SAMD4A: variants seen among roughly 807,000 people sequenced by gnomAD.
SAMD4A encodes sterile alpha motif domain containing 4A.
Under a neutral mutation model 81.3 loss-of-function variants are expected in SAMD4A, and 33 were observed. The observed-to-expected ratio is 0.41, with a 90% CI of 0.31 to 0.54. The LOEUF (loss-of-function observed/expected upper bound fraction) is 0.54. Among genes scored for constraint, SAMD4A ranks in the 20% least tolerant of loss-of-function variants. The probability of loss-of-function intolerance (pLI) is 0.37; values close to 1 mark genes in which losing one functional copy is unlikely to be tolerated. For synonymous variants in SAMD4A, 389 were observed against 382.1 expected, an observed-to-expected ratio of 1.02 and a Z score of -0.21; for missense variants, 854 against 951.1, an observed-to-expected ratio of 0.90 and a Z score of 1.34.
chr14:54,682,567 T>C (rs754311565), intron 2 of SAMD4A, among the ~76,000 whole-genome samples: 5 of 152,228 alleles, frequency 3.3e-5, no homozygotes, highest in Non-Finnish European at 5.9e-5. Context: ...TCCTTGTCCA[T>C]ACTGTATTTG....
chr14:54,574,293 G>C (rs1253205915), intron 2 of SAMD4A, among the ~76,000 whole-genome samples: 2 of 152,228 alleles, frequency 1.3e-5, no homozygotes, highest in Admixed American at 6.5e-5. Context: ...CTGAAATTGA[G>C]TGAAAGGAGA....
intron 9 of SAMD4A, among the ~76,000 whole-genome samples, chr14:54,774,260 G>A (rs1351802349): frequency 1.3e-5 from 2 of 152,216 alleles, no homozygotes; most frequent in Non-Finnish European, 2.9e-5. Context: ...AAAGGAGAGA[G>A]CACCTACTTC....
chr14:54,768,036 A>G (rs2038598359), intron 8 of SAMD4A, among the ~76,000 whole-genome samples: 2 of 152,166 alleles, frequency 1.3e-5, no homozygotes, highest in South Asian at 2.1e-4. Context: ...GGAAGATGTC[A>G]TGTCTGTAAT....
At chr14:54,644,826 G>T (rs2035251451) in intron 2 of SAMD4A, among the ~76,000 whole-genome samples, 1 of 152,122 alleles carries the variant, frequency 6.6e-6, no homozygotes, top group African/African-American at 2.4e-5. Context: ...AGGACTGAGG[G>T]CAAGTCTTGC....
At position 54,574,403 on chromosome 14, in the gene SAMD4A, G is replaced by A. The variant is rs888848925; in HGVS notation, c.196+6291G>A. 3.9e-5 allele frequency among the ~76,000 whole-genome samples: 6 copies of A among 152,204 alleles called. No individual in the cohort carries two copies. The East Asian group carries it at 7.7e-4, about 20-fold the overall frequency. On this transcript the variant is annotated intron_variant, in intron 2 of 12. Coordinates refer to ENST00000554335, the MANE Select transcript of SAMD4A (RefSeq NM_015589.6). Reference sequence around the variant, plus strand: ...TTTTAGGGCTTATGAGATTCTTGCTGTTGTAGTACCTCAAATGCCAGTTTC... The same window carrying A: ...TTTTAGGGCTTATGAGATTCTTGCTATTGTAGTACCTCAAATGCCAGTTTC...
At position 54,776,431 on chromosome 14, in the gene SAMD4A, C is replaced by A; in HGVS notation, c.1935C>A (p.Asn645Lys). ...CTCACCAGAACCTGTGGTTTGCCAA[C>A]CCCGGGGGCAGCAATAGCATGCCAA... ...KQGRQNLWFA[N>K]PGGSNSMPSR... Residue 645 changes from asparagine (N) to lysine (K), a missense_variant, in exon 11 of 13, where the codon AAC (asparagine) becomes AAA (lysine). By Grantham distance (94) the Asn-to-Lys change is moderately conservative. Around this residue, in one of 3 missense-constraint regions of SAMD4A, gnomAD observed 428 missense variants for 471.2 expected, o/e 0.91. Transcript: ENST00000554335. 6 of 1,591,792 alleles carry A rather than the reference C, an allele frequency of 3.8e-6. No homozygotes were observed. The highest frequency in any genetic ancestry group is 5.1e-6 in the Non-Finnish European group (6 of 1,170,190).
rs1272763268 is a variant in SAMD4A at position 54,737,041 on chromosome 14, C to T, written c.733C>T (p.His245Tyr). 1 of 1,613,748 alleles carries T rather than the reference C, an allele frequency of 6.2e-7. No homozygotes were observed. The highest frequency in any genetic ancestry group is 1.3e-5 in the African/African-American group (1 of 74,834). ...STSTILSGQA[H>Y]HSPLKRSVSL... ...TTTTCCAGTTCTCTCAGGCCAGGCA[C>T]ACCACAGCCCTTTGAAACGATCTGT... is the stretch of plus-strand genomic sequence containing the variant. Residue 245 changes from histidine (H) to tyrosine (Y), a missense_variant, in exon 4 of 13, where the codon CAC (histidine) becomes TAC (tyrosine). This residue lies in a region of SAMD4A where 387 missense variants were observed against 405.8 expected (regional missense o/e 0.95). Coordinates refer to ENST00000554335, the MANE Select transcript of SAMD4A (RefSeq NM_015589.6).
intron 3 of SAMD4A, among the ~76,000 whole-genome samples, chr14:54,736,621 T>A (rs553989398): frequency 1.6e-4 from 25 of 152,358 alleles, no homozygotes; most frequent in Non-Finnish European, 2.4e-4. Flanking sequence ...GAATTTCTGT[T>A]TAAAAAACAA....
chr14:54,568,856 G>A (rs776265118), intron 2 of SAMD4A, among the ~76,000 whole-genome samples: 4 of 151,474 alleles, frequency 2.6e-5, no homozygotes, highest in African/African-American at 4.9e-5. Flanking sequence ...TTTTCGTTAG[G>A]AAACTTTACT....
chr14:54,746,493 C>T (rs1367903851), intron 4 of SAMD4A, among the ~76,000 whole-genome samples: 1 of 152,212 alleles, frequency 6.6e-6, no homozygotes, highest in African/African-American at 2.4e-5. Context: ...CCAGCTCTTC[C>T]ACTCCTCTAA....
intron 2 of SAMD4A, among the ~76,000 whole-genome samples, chr14:54,656,930 C>T (rs879461574): frequency 2.6e-5 from 4 of 152,000 alleles, no homozygotes; most frequent in Non-Finnish European, 5.9e-5. Context: ...TCATATTTTG[C>T]CAAACCAATA....
At chr14:54,663,036 A>G (rs1274489182) in intron 2 of SAMD4A, among the ~76,000 whole-genome samples, 1 of 152,218 alleles carries the variant, frequency 6.6e-6, no homozygotes, top group Non-Finnish European at 1.5e-5. Flanking sequence ...CACTGGGGAA[A>G]CTACTCCATT....
chr14:54,749,070 C>G, intron 5 of SAMD4A, 146 bp downstream of exon 5: 1 of 586,546 alleles, frequency 1.7e-6, no homozygotes, highest in South Asian at 2.3e-5. Flanking sequence ...GGCCAGCATT[C>G]CATGGTGAGC....
chr14:54,785,736 A>G (rs918973558), intron 12 of SAMD4A, among the ~76,000 whole-genome samples: 4 of 152,178 alleles, frequency 2.6e-5, no homozygotes, highest in East Asian at 1.9e-4. Context: ...TGCAAACACA[A>G]TCTTATCCTG....
At position 54,748,787 on chromosome 14, in the gene SAMD4A, C is replaced by A. The variant is rs1427032214; in HGVS notation, c.980-28C>A. On this transcript the variant is annotated intron_variant, in intron 4 of 12. Transcript: ENST00000554335. ...CTTCTCATTCCCTCTCATTTCTCTC[C>A]CCATCTCTTGCACATCTTGCACCAC... 6 of 1,439,144 alleles carry A rather than the reference C, an allele frequency of 4.2e-6. No homozygotes were observed. In the South Asian group the frequency reaches 6.1e-5, roughly 15 times the overall value. 89.1% of individuals were successfully genotyped at this position (1,439,144 alleles called of 1,614,324 possible). A position where few individuals can be genotyped will look rare whatever the true frequency, so the allele number is the denominator to read the frequency against.
At chr14:54,725,857 G>A (rs1001995041) in intron 3 of SAMD4A, among the ~76,000 whole-genome samples, 1 of 152,210 alleles carries the variant, frequency 6.6e-6, no homozygotes, top group Admixed American at 6.5e-5. Flanking sequence ...TCTCCCTTCA[G>A]CAGTCCGTTT....
intron 8 of SAMD4A, 21 bp downstream of exon 8, chr14:54,764,561 C>A (rs562034832): frequency 2.1e-5 from 31 of 1,501,756 alleles, no homozygotes; most frequent in African/African-American, 1.3e-4. Flanking sequence ...ACAGGTTTTA[C>A]AAAACCATTT....
rs780547094 is a variant in SAMD4A at position 54,791,227 on chromosome 14, G to A, written c.*2283G>A. The stretch of plus-strand genomic sequence containing the variant: ...CCAAAGGTAAGACCAGAGGGTTTGC[G>A]AATGTGGGTTTGTAGGATACTGAGA... On this transcript the variant is annotated 3_prime_UTR_variant, in exon 13 of 13. Coordinates refer to ENST00000554335, the MANE Select transcript of SAMD4A (RefSeq NM_015589.6). The A allele has an allele frequency of 3.9e-5, 6 of 152,168 alleles. No individual in the cohort carries two copies. The highest frequency in any genetic ancestry group is 1.9e-4 in the East Asian group (1 of 5,198). The allele number at this position is 152,168 out of a possible 1,614,324, so 9.4% of individuals were successfully genotyped here. A position where few individuals can be genotyped will look rare whatever the true frequency, so the allele number is the denominator to read the frequency against.
chr14:54,628,182 C>G (rs1267282093), intron 2 of SAMD4A, among the ~76,000 whole-genome samples: 1 of 152,012 alleles, frequency 6.6e-6, no homozygotes. Flanking sequence ...GATTTAGCAG[C>G]AAGTCAGGCC....
Sources: gnomAD v4.1 joint callset for allele counts (sites outside exome capture counted in the v4.1 genomes callset) on GRCh38, gnomAD v4.1.1 for gene constraint, gnomAD v4.1.1 regional missense constraint, MANE v1.5 for transcripts, NCBI Gene and HGNC (gene_info 2026-07-23, HGNC 2026-07-21) for gene names.